HADH: variants seen among roughly 807,000 people sequenced by gnomAD.
HADH encodes the protein hydroxyacyl-CoA dehydrogenase, also known as hydroxyacyl-coenzyme A dehydrogenase, mitochondrial.
HADH carries 24 observed loss-of-function variants against 32.2 expected under a neutral mutation model. The observed-to-expected ratio is 0.75, with a 90% CI of 0.54 to 1.05. The LOEUF is 1.05. Ranked by LOEUF, HADH falls within the 50% of genes least tolerant of loss-of-function variation. HADH has a pLI of 0.00. For missense variants in HADH, 350 were observed against 397.1 expected (o/e 0.88, Z 1.01); for synonymous variants, 139 against 152.5 (o/e 0.91, Z 0.65).
At chr4:108,012,244 TTTA>T (rs200711072) in intron 2 of HADH, among the ~76,000 whole-genome samples, 2,180 of 152,198 alleles carry the variant, frequency 0.014, 52 homozygotes, top group African/African-American at 0.044. Flanking sequence ...CTAGGTGGCC[TTTA>T]GATGATGGTG....
intron 1 of HADH, among the ~76,000 whole-genome samples, chr4:107,991,068 C>T (rs1206066138): frequency 6.6e-6 from 1 of 152,170 alleles, no homozygotes; most frequent in Middle Eastern, 3.2e-3. Context: ...CATTGTACAT[C>T]TTCAGGGCTT....
intron 1 of HADH, among the ~76,000 whole-genome samples, chr4:108,006,831 G>A (rs1735307391): frequency 6.6e-6 from 1 of 152,164 alleles, no homozygotes; most frequent in Non-Finnish European, 1.5e-5. Flanking sequence ...TGCTATTACT[G>A]TGACTTTAAT....
intron 1 of HADH, among the ~76,000 whole-genome samples, chr4:108,001,127 G>T (rs1429031663): frequency 6.6e-6 from 1 of 152,192 alleles, no homozygotes; most frequent in Non-Finnish European, 1.5e-5. Context: ...TTTGAAATGG[G>T]CCTGAATAAT....
chr4:107,997,121 A>C (rs1308836245), intron 1 of HADH, among the ~76,000 whole-genome samples: 1 of 152,226 alleles, frequency 6.6e-6, no homozygotes, highest in African/African-American at 2.4e-5. Flanking sequence ...TGACAACCGT[A>C]AAAGGCAGGC....
intron 1 of HADH, among the ~76,000 whole-genome samples, chr4:108,008,099 G>A (rs775719012): frequency 6.6e-6 from 1 of 152,208 alleles, no homozygotes; most frequent in Admixed American, 6.5e-5. Flanking sequence ...GGCTAGATGG[G>A]CCTTGGTCCG....
chr4:107,992,588 G>T (rs1578240216), intron 1 of HADH, among the ~76,000 whole-genome samples: 1 of 152,162 alleles, frequency 6.6e-6, no homozygotes, highest in East Asian at 1.9e-4. Context: ...AAGTTGGATG[G>T]TCTGCATGCT....
intron 5 of HADH, 191 bp downstream of exon 5, chr4:108,023,754 C>A: frequency 1.6e-6 from 1 of 615,900 alleles, no homozygotes; most frequent in South Asian, 1.7e-5. Context: ...GACTCCTAAG[C>A]CATGCCTAAG....
chr4:108,006,774 A>T (rs1457227748), intron 1 of HADH, among the ~76,000 whole-genome samples: 1 of 152,202 alleles, frequency 6.6e-6, no homozygotes, highest in Non-Finnish European at 1.5e-5. Flanking sequence ...GCTGACATGG[A>T]AACTGTCATT....
chr4:108,023,501 A>G lies in HADH; in HGVS notation c.574A>G (p.Lys192Glu). 6.2e-7 allele frequency: 1 copy of G among 1,612,238 alleles called. No homozygotes were observed. Residue 192 changes from lysine (K) to glutamate (E), a missense_variant, in exon 5 of 8, where the codon AAG becomes GAG. Lys to Glu is a moderately conservative substitution (Grantham distance 56). Coordinates refer to ENST00000309522, the MANE Select transcript of HADH (RefSeq NM_005327.7). ...CATTAAAACACCAATGACCAGCCAG[A>G]AGACATTTGAATCTTTGGTAGACTT... ...EVIKTPMTSQ[K>E]TFESLVDFSK...
chr4:108,019,793 C>T, intron 4 of HADH, 127 bp downstream of exon 4: 1 of 1,027,828 alleles, frequency 9.7e-7, no homozygotes, highest in South Asian at 1.3e-5. Context: ...AGAAGGTTGT[C>T]CCTGAGCCTC....
At position 108,019,576 on chromosome 4, in the gene HADH, G is replaced by T. The variant is rs1051519; in HGVS notation, c.456G>T (p.Gln152His). Residue 152 changes from glutamine (Q) to histidine (H), a missense_variant, in exon 4 of 8, where the codon CAG (glutamine) becomes CAT (histidine). Gln to His is a conservative substitution (Grantham distance 24). Coordinates refer to ENST00000309522, the MANE Select transcript of HADH (RefSeq NM_005327.7). ...TIFASNTSSL[Q>H]ITSIANATTR... ...TTGCCAGCAACACTTCCTCCTTGCAGATTACAAGCATAGCTAATGCCACCA... is the reference window on the plus strand; with the variant it reads ...TTGCCAGCAACACTTCCTCCTTGCATATTACAAGCATAGCTAATGCCACCA... 2.5e-3 allele frequency: 4,072 copies of T among 1,613,826 alleles called. 3 individuals carry two copies. The highest frequency in any genetic ancestry group is 3.3e-3 in the Non-Finnish European group (3,909 of 1,179,730).
Position 108,014,529 on chromosome 4 carries a change from C to T in HADH, c.360C>T (p.Ile120=), listed in dbSNP as rs568382417. ...VHSTDLVVEA[I]VENLKVKNEL... The stretch of plus-strand genomic sequence containing the variant: ...GCACAGACTTGGTGGTGGAAGCCAT[C>T]GTGGAGAATCTGAAGGTGAAAAACG... The change falls in exon 3 of 8, where the codon ATC becomes ATT. Residue 120 remains isoleucine, a synonymous_variant. Coordinates refer to ENST00000309522, the MANE Select transcript of HADH (RefSeq NM_005327.7). 12 of 1,613,886 alleles carry T rather than the reference C, an allele frequency of 7.4e-6. No individual in the cohort carries two copies. The highest frequency in any genetic ancestry group is 2.2e-5 in the East Asian group (1 of 44,880).
At chr4:108,034,186 T>C in intron 7 of HADH, 53 bp from the exon 8 acceptor site, 1 of 1,194,882 alleles carries the variant, frequency 8.4e-7, no homozygotes, top group East Asian at 2.3e-5. Context: ...AATGCCAAGA[T>C]GTAAAAATAA....
intron 4 of HADH, among the ~76,000 whole-genome samples, chr4:108,020,776 A>G (rs1254790878): frequency 6.6e-6 from 1 of 152,124 alleles, no homozygotes; most frequent in South Asian, 2.1e-4. Context: ...TGATGCTGCC[A>G]TGTGGGTGAT....
At chr4:108,023,035 C>T (rs1386843030) in intron 4 of HADH, among the ~76,000 whole-genome samples, 2 of 151,274 alleles carry the variant, frequency 1.3e-5, no homozygotes, top group African/African-American at 4.9e-5. Context: ...GCTCTGTCAC[C>T]CAGGCTGGAG....
intron 4 of HADH, among the ~76,000 whole-genome samples, chr4:108,021,230 ATATATAAGTGTT>A (rs1578259565): frequency 6.6e-6 from 1 of 152,206 alleles, no homozygotes; most frequent in Non-Finnish European, 1.5e-5. Flanking sequence ...ATTATATTGT[ATATATAAGTGTT>A]TTGGAGATAG....
intron 4 of HADH, among the ~76,000 whole-genome samples, chr4:108,022,195 G>A (rs201698564): frequency 0.74 from 103,776 of 139,842 alleles, 39,670 homozygotes; most frequent in East Asian, 0.91. Flanking sequence ...GTGTATGTGT[G>A]TGTGTATGTG....
At chr4:108,003,203 G>A (rs1439652349) in intron 1 of HADH, among the ~76,000 whole-genome samples, 1 of 151,918 alleles carries the variant, frequency 6.6e-6, no homozygotes, top group African/African-American at 2.4e-5. Context: ...TGGAGGCTGG[G>A]AAGTCCAAGA....
intron 1 of HADH, among the ~76,000 whole-genome samples, chr4:107,992,108 A>G (rs1578239966): frequency 6.6e-6 from 1 of 152,316 alleles, no homozygotes; most frequent in East Asian, 1.9e-4. Context: ...GAGTAAGGAG[A>G]AATGATTGAC....
Sources: gnomAD v4.1 joint callset for allele counts (sites outside exome capture counted in the v4.1 genomes callset) on GRCh38, gnomAD v4.1.1 for gene constraint, MANE v1.5 for transcripts, NCBI Gene and HGNC (gene_info 2026-07-23, HGNC 2026-07-21) for gene names.